GPR15LG: variants seen among roughly 807,000 people sequenced by gnomAD.
GPR15LG encodes the protein protein GPR15LG.
At chr10:84,175,553 G>T in the GPR15LG span, among the ~76,000 whole-genome samples, 1 of 152,206 alleles carries the variant, frequency 6.6e-6, no homozygotes, top group Non-Finnish European at 1.5e-5. Flanking sequence ...TGCCCAGGTC[G>T]GAGTGCAGTG....
At chr10:84,181,003 G>T in the GPR15LG span, among the ~76,000 whole-genome samples, 3 of 152,174 alleles carry the variant, frequency 2.0e-5, no homozygotes, top group Non-Finnish European at 2.9e-5. Flanking sequence ...GGAGAATCAG[G>T]CAGGGAGGTT....
the GPR15LG span, among the ~76,000 whole-genome samples, chr10:84,177,472 G>T: frequency 2.0e-5 from 3 of 152,314 alleles, no homozygotes; most frequent in South Asian, 6.2e-4. Flanking sequence ...AGGAGGTCCC[G>T]GCCCCACTTG....
At chr10:84,184,963 C>T in the GPR15LG span, 3 of 1,425,458 alleles carry the variant, frequency 2.1e-6, no homozygotes, top group Non-Finnish European at 2.7e-6. Flanking sequence ...ACTTTCAGAG[C>T]TATCATGAGC....
chr10:84,173,875 C>G, the GPR15LG span: 1 of 1,613,844 alleles, frequency 6.2e-7, no homozygotes, highest in African/African-American at 1.3e-5. Context: ...TCCTTTCCAG[C>G]CTGCTCTGTA....
the GPR15LG span, chr10:84,184,716 G>C: frequency 6.2e-7 from 1 of 1,613,896 alleles, no homozygotes; most frequent in Non-Finnish European, 8.5e-7. Flanking sequence ...ATGCAAGCTT[G>C]AGCCAGAGCC....
the GPR15LG span, among the ~76,000 whole-genome samples, chr10:84,181,291 C>T: frequency 6.6e-6 from 1 of 150,404 alleles, no homozygotes; most frequent in Non-Finnish European, 1.5e-5. Context: ...GTTGACCTGA[C>T]TGGTCTCTAT....
At chr10:84,177,174 G>C in the GPR15LG span, among the ~76,000 whole-genome samples, 1 of 152,226 alleles carries the variant, frequency 6.6e-6, no homozygotes, top group Admixed American at 6.5e-5. Context: ...AGGCCCAGAA[G>C]AGCAAGGCTG....
chr10:84,185,111 A>G, the GPR15LG span: 3 of 1,127,906 alleles, frequency 2.7e-6, no homozygotes, highest in Non-Finnish European at 3.3e-6. Context: ...GCAAGCACCC[A>G]AGGGTGGCTG....
chr10:84,184,941 A>G, the GPR15LG span: 1 of 1,457,464 alleles, frequency 6.9e-7, no homozygotes, highest in Non-Finnish European at 9.0e-7. Flanking sequence ...CCTTGTCTCA[A>G]TTGTGCCATC....
the GPR15LG span, chr10:84,176,514 G>A: frequency 6.2e-7 from 1 of 1,613,966 alleles, no homozygotes; most frequent in Non-Finnish European, 8.5e-7. Flanking sequence ...GGTCAGGCAG[G>A]AGAACCAGGC....
the GPR15LG span, among the ~76,000 whole-genome samples, chr10:84,177,617 C>A: frequency 6.6e-6 from 1 of 152,206 alleles, no homozygotes; most frequent in Non-Finnish European, 1.5e-5. Flanking sequence ...TGACTCCAGC[C>A]GCAGACCTTC....
the GPR15LG span, chr10:84,185,093 G>A: frequency 8.6e-6 from 10 of 1,165,934 alleles, no homozygotes; most frequent in South Asian, 2.0e-5. Flanking sequence ...CTGCTAGAGT[G>A]CAGGGTGGCA....
At chr10:84,184,220 A>T in the GPR15LG span, among the ~76,000 whole-genome samples, 1 of 151,698 alleles carries the variant, frequency 6.6e-6, no homozygotes, top group Admixed American at 6.6e-5. Context: ...TTTCTTGTGG[A>T]TGATTCCTCC....
At chr10:84,173,839 C>G in the GPR15LG span, 8 of 1,603,794 alleles carry the variant, frequency 5.0e-6, no homozygotes, top group Non-Finnish European at 6.8e-6. Flanking sequence ...ACGTGAAAAT[C>G]TGCCTTCTCA....
the GPR15LG span, chr10:84,176,647 G>A: frequency 5.1e-5 from 50 of 989,028 alleles, no homozygotes; most frequent in East Asian, 9.1e-4. Flanking sequence ...ACACTGATCA[G>A]CCCCCACCCA....
At chr10:84,180,026 C>T in the GPR15LG span, among the ~76,000 whole-genome samples, 1 of 152,146 alleles carries the variant, frequency 6.6e-6, no homozygotes, top group East Asian at 1.9e-4. Flanking sequence ...AGGGCCTTGC[C>T]ACCTTCCGCA....
At chr10:84,183,626 T>C in the GPR15LG span, among the ~76,000 whole-genome samples, 1 of 152,046 alleles carries the variant, frequency 6.6e-6, no homozygotes, top group Non-Finnish European at 1.5e-5. Flanking sequence ...GAATTATCAT[T>C]AATTTTTTAT....
the GPR15LG span, among the ~76,000 whole-genome samples, chr10:84,181,029 G>A: frequency 2.5e-4 from 38 of 151,952 alleles, 1 homozygote; most frequent in South Asian, 7.3e-3. Context: ...GAGCCAAGAC[G>A]GCGGCAGTAC....
chr10:84,185,063 A>C, the GPR15LG span: 2 of 1,223,444 alleles, frequency 1.6e-6, no homozygotes, highest in South Asian at 3.6e-5. Flanking sequence ...TCACAGCTAC[A>C]AATCCAGAGA....
Sources: gnomAD v4.1 joint callset for allele counts (sites outside exome capture counted in the v4.1 genomes callset) on GRCh38, gnomAD v4.1.1 for gene constraint, MANE v1.5 for transcripts, NCBI Gene and HGNC (gene_info 2026-07-23, HGNC 2026-07-21) for gene names.